Variants in FBXL13 observed in about 807,000 individuals in gnomAD.
The protein encoded by FBXL13 is F-box and leucine-rich repeat protein 13.
Under a neutral mutation model 83.6 loss-of-function variants are expected in FBXL13, and 67 were observed. The observed-to-expected ratio is 0.80, with a 90% CI of 0.66 to 0.98. FBXL13 has a LOEUF of 0.98. FBXL13 is among the 50% of genes least tolerant of loss of function. The probability of loss-of-function intolerance (pLI) is 0.00; values close to 1 mark genes in which losing one functional copy is unlikely to be tolerated. For synonymous variants in FBXL13, 272 were observed against 299.5 expected, an observed-to-expected ratio of 0.91 and a Z score of 0.95; for missense variants, 822 against 866.5, an observed-to-expected ratio of 0.95 and a Z score of 0.64.
intron 10 of FBXL13, among the ~76,000 whole-genome samples, chr7:102,914,441 C>T (rs1815414541): frequency 6.6e-6 from 1 of 152,164 alleles, no homozygotes; most frequent in South Asian, 2.1e-4. Context: ...AGCAATCATG[C>T]TCTTAGTTTG....
At chr7:102,965,839 C>T (rs1191509450) in intron 7 of FBXL13, among the ~76,000 whole-genome samples, 1 of 152,160 alleles carries the variant, frequency 6.6e-6, no homozygotes, top group Non-Finnish European at 1.5e-5. Context: ...TGTTCAGTGG[C>T]AACATTTTCC....
At chr7:102,837,227 T>C (rs1369242646) in intron 17 of FBXL13, among the ~76,000 whole-genome samples, 1 of 152,138 alleles carries the variant, frequency 6.6e-6, no homozygotes. Flanking sequence ...ACAACTAAAC[T>C]CTGCAGAGCC....
intron 16 of FBXL13, among the ~76,000 whole-genome samples, chr7:102,863,672 T>G (rs1016881973): frequency 1.3e-5 from 2 of 152,140 alleles, no homozygotes; most frequent in Non-Finnish European, 2.9e-5. Flanking sequence ...TGGATGTTTG[T>G]CTTCTCTGTC....
chr7:103,025,259 T>A (rs188851962), intron 5 of FBXL13, 29 bp from the exon 7 acceptor site: 1 of 1,457,528 alleles, frequency 6.9e-7, no homozygotes, highest in East Asian at 2.3e-5. Context: ...TAAAATTCCA[T>A]GGAATTGCTG....
intron 2 of FBXL13, among the ~76,000 whole-genome samples, chr7:103,037,943 CTGGT>C (rs1563255009): frequency 6.6e-6 from 1 of 151,996 alleles, no homozygotes; most frequent in South Asian, 2.1e-4. Flanking sequence ...CTCACTGGGA[CTGGT>C]TGGACAGTGG....
chr7:102,890,755 G>A (rs1386830736), intron 11 of FBXL13, among the ~76,000 whole-genome samples: 1 of 152,266 alleles, frequency 6.6e-6, no homozygotes, highest in Admixed American at 6.5e-5. Context: ...CTCCAAAACT[G>A]CCTGTGAGTC....
chr7:102,999,203 T>C (rs184291116), intron 6 of FBXL13, among the ~76,000 whole-genome samples: 15 of 152,354 alleles, frequency 9.8e-5, no homozygotes, highest in African/African-American at 3.4e-4. Flanking sequence ...TTTGATTTTG[T>C]TGATGAGATG....
intron 18 of FBXL13, among the ~76,000 whole-genome samples, chr7:102,832,109 G>A (rs967059467): frequency 6.6e-6 from 1 of 152,140 alleles, no homozygotes; most frequent in Non-Finnish European, 1.5e-5. Flanking sequence ...GTTATGTCCA[G>A]GTGGTGACAG....
At chr7:102,974,510 G>A (rs993001124) in intron 6 of FBXL13, among the ~76,000 whole-genome samples, 4 of 152,034 alleles carry the variant, frequency 2.6e-5, no homozygotes, top group South Asian at 2.1e-4. Flanking sequence ...CTAATGGCCC[G>A]CAAATAGAAC....
intron 16 of FBXL13, among the ~76,000 whole-genome samples, chr7:102,864,756 A>G (rs529713700): frequency 6.6e-6 from 1 of 152,302 alleles, no homozygotes; most frequent in South Asian, 2.1e-4. Context: ...CAGAATTCAA[A>G]TAAATAATCA....
intron 19 of FBXL13, among the ~76,000 whole-genome samples, chr7:102,816,561 T>C (rs752755169): frequency 6.6e-6 from 1 of 152,172 alleles, no homozygotes; most frequent in Non-Finnish European, 1.5e-5. Context: ...CAGAAGGTTT[T>C]TCTGAGTTCT....
intron 12 of FBXL13, 25 bp from the exon 14 acceptor site, chr7:102,883,710 T>TG: frequency 7.0e-7 from 1 of 1,421,450 alleles, no homozygotes; most frequent in Non-Finnish European, 9.9e-7. Context: ...AATGATTAAA[T>TG]TAATCAAGTG....
At chr7:102,955,442 G>T (rs1272870977) in intron 8 of FBXL13, among the ~76,000 whole-genome samples, 1 of 151,998 alleles carries the variant, frequency 6.6e-6, no homozygotes, top group Non-Finnish European at 1.5e-5. Flanking sequence ...AAGCAGGAAA[G>T]ATCTAAAATC....
At chr7:102,890,288 C>T (rs1811371718) in intron 11 of FBXL13, among the ~76,000 whole-genome samples, 1 of 152,180 alleles carries the variant, frequency 6.6e-6, no homozygotes, top group African/African-American at 2.4e-5. Context: ...GATATCTGTG[C>T]ATTTTCTGTG....
At chr7:103,065,724 T>C (rs1798329395) in intron 1 of FBXL13, among the ~76,000 whole-genome samples, 1 of 152,190 alleles carries the variant, frequency 6.6e-6, no homozygotes, top group Non-Finnish European at 1.5e-5. Flanking sequence ...AGGCTGAGAT[T>C]CAGAGAATGT....
intron 11 of FBXL13, among the ~76,000 whole-genome samples, chr7:102,904,741 G>T (rs1292089501): frequency 6.6e-6 from 1 of 151,806 alleles, no homozygotes; most frequent in African/African-American, 2.4e-5. Context: ...TTTTGATGTA[G>T]GCACTTATAG....
intron 6 of FBXL13, among the ~76,000 whole-genome samples, chr7:103,023,304 C>T (rs1369423386): frequency 6.7e-6 from 1 of 149,430 alleles, no homozygotes; most frequent in African/African-American, 2.5e-5. Context: ...CAGAACAAAA[C>T]AAAAAAAAAT....
chr7:103,069,730 T>A (rs1339717879), intron 1 of FBXL13, among the ~76,000 whole-genome samples: 2 of 152,202 alleles, frequency 1.3e-5, no homozygotes, highest in Non-Finnish European at 2.9e-5. Flanking sequence ...AAAGAGTATA[T>A]CATCTGGAAC....
At chr7:102,821,629 G>T (rs977621804) in intron 19 of FBXL13, among the ~76,000 whole-genome samples, 6 of 152,164 alleles carry the variant, frequency 3.9e-5, no homozygotes, top group Admixed American at 1.3e-4. Context: ...CATTTCATAT[G>T]TTACTTTATC....
Sources: gnomAD v4.1 joint callset for allele counts (sites outside exome capture counted in the v4.1 genomes callset) on GRCh38, gnomAD v4.1.1 for gene constraint, MANE v1.5 for transcripts, NCBI Gene and HGNC (gene_info 2026-07-23, HGNC 2026-07-21) for gene names.